The following RNF150 variants were observed in gnomAD, a reference collection of about 807,000 sequenced individuals.
RNF150 encodes the protein ring finger protein 150.
In RNF150, 24 loss-of-function variants were observed where a neutral mutation model predicts 39.3. That is an observed-to-expected ratio of 0.61 (90% confidence interval 0.44 to 0.86). RNF150 has a LOEUF of 0.86. RNF150 is among the 40% of genes least tolerant of loss of function. The pLI, the probability that RNF150 is intolerant of heterozygous loss-of-function variation, is 0.00. For synonymous variants in RNF150, 255 were observed against 227.3 expected (o/e 1.12, Z -1.10); for missense variants, 502 against 587.8 (o/e 0.85, Z 1.51).
At chr4:140,912,342 C>G (rs368675909) in intron 5 of RNF150, among the ~76,000 whole-genome samples, 6 of 152,148 alleles carry the variant, frequency 3.9e-5, no homozygotes, top group Admixed American at 6.6e-5. Context: ...TTGTCTTAAG[C>G]AGGATTAAGA....
At chr4:141,018,226 G>A (rs1038209326) in intron 1 of RNF150, among the ~76,000 whole-genome samples, 3 of 152,084 alleles carry the variant, frequency 2.0e-5, no homozygotes, top group Non-Finnish European at 2.9e-5. Context: ...AATATTTTGT[G>A]TTTTGAATTC....
Position 141,194,929 on chromosome 4 carries a change from A to T in RNF150, c.-6+17865T>A, listed in dbSNP as rs143502419. ...CTCATAGGCTGGTCATGAGGATTAA[A>T]TGAGTTAATTAAAACATGTAAAAGT... On this transcript the variant is annotated intron_variant, in intron 1 of 7. Transcript: ENST00000420921. Among the ~76,000 whole-genome samples, 42 of 152,326 alleles carry T rather than the reference A, an allele frequency of 2.8e-4. No individual in the cohort carries two copies. The East Asian group carries it at 8.1e-3, about 29-fold the overall frequency.
intron 2 of RNF150, among the ~76,000 whole-genome samples, chr4:140,964,725 A>G (rs1457730342): frequency 6.6e-6 from 1 of 152,054 alleles, no homozygotes; most frequent in Non-Finnish European, 1.5e-5. Context: ...AAACTCATAT[A>G]ATGATTCTAA....
chr4:140,884,375 T>C (rs2111211556), intron 6 of RNF150, among the ~76,000 whole-genome samples: 1 of 152,348 alleles, frequency 6.6e-6, no homozygotes. Context: ...TCATGCTTTG[T>C]TGGGACTTCA....
At chr4:141,050,314 C>T (rs944337685) in intron 1 of RNF150, among the ~76,000 whole-genome samples, 1 of 152,040 alleles carries the variant, frequency 6.6e-6, no homozygotes, top group Non-Finnish European at 1.5e-5. Flanking sequence ...CAAACCATAT[C>T]ATTCCACTCC....
chr4:140,920,921 G>A (rs900635528), intron 5 of RNF150, among the ~76,000 whole-genome samples: 44 of 151,824 alleles, frequency 2.9e-4, no homozygotes, highest in African/African-American at 1.1e-3. Context: ...ATCATTCTGA[G>A]TAAACTATCA....
At chr4:140,966,277 T>A (rs535461791) in intron 2 of RNF150, among the ~76,000 whole-genome samples, 1 of 152,156 alleles carries the variant, frequency 6.6e-6, no homozygotes, top group Admixed American at 6.5e-5. Context: ...GAGGTGAAGG[T>A]TGCAATGAGC....
intron 1 of RNF150, among the ~76,000 whole-genome samples, chr4:141,076,821 A>C (rs191265426): frequency 3.9e-5 from 6 of 152,264 alleles, no homozygotes; most frequent in Non-Finnish European, 7.3e-5. Context: ...TTTCATTTAA[A>C]TTGTATTCAT....
intron 6 of RNF150, among the ~76,000 whole-genome samples, chr4:140,907,419 T>C (rs1578951579): frequency 6.6e-6 from 1 of 152,304 alleles, no homozygotes; most frequent in East Asian, 1.9e-4. Context: ...TCATTTTTTT[T>C]TTCCTGGGAG....
At chr4:141,151,043 G>A (rs995844810) in intron 1 of RNF150, among the ~76,000 whole-genome samples, 2 of 151,946 alleles carry the variant, frequency 1.3e-5, no homozygotes, top group African/African-American at 2.4e-5. Context: ...GTGATTTAGC[G>A]CTTCTCCTGC....
chr4:141,056,959 T>TGATTGATAAAGAAGTAAC (rs1737000979), intron 1 of RNF150, among the ~76,000 whole-genome samples: 1 of 152,126 alleles, frequency 6.6e-6, no homozygotes, highest in African/African-American at 2.4e-5. Flanking sequence ...AATAGTGTAG[T>TGATTGATAAAGAAGTAAC]TACTTAAGAA....
chr4:141,185,758 G>C (rs570108522), intron 1 of RNF150, among the ~76,000 whole-genome samples: 1 of 152,096 alleles, frequency 6.6e-6, no homozygotes, highest in East Asian at 1.9e-4. Flanking sequence ...GAATTTTATC[G>C]AAAGCCTTTT....
chr4:140,955,923 A>T (rs1054057839), intron 2 of RNF150, among the ~76,000 whole-genome samples: 1 of 152,252 alleles, frequency 6.6e-6, no homozygotes, highest in Non-Finnish European at 1.5e-5. Context: ...ACATGTAAAT[A>T]TTAGGAAAAG....
chr4:140,981,098 T>C (rs1733844122), intron 1 of RNF150, among the ~76,000 whole-genome samples: 1 of 152,190 alleles, frequency 6.6e-6, no homozygotes, highest in African/African-American at 2.4e-5. Flanking sequence ...TTTTGGTTTC[T>C]AGAAGCTGGA....
chr4:140,942,234 C>T lies in RNF150; in HGVS notation c.890+5420G>A, dbSNP rs187140727. On this transcript the variant is annotated intron_variant, in intron 4 of 6. Transcript: ENST00000515673. ...AACCCCCACACAGCTCCAGGATTAT[C>T]TGATCTAACAGGTAACCTTGCTCAG... Among the ~76,000 whole-genome samples, 308 of 152,348 alleles carry T rather than the reference C, an allele frequency of 2.0e-3. 3 individuals carry two copies. Among genetic ancestry groups the T allele is most frequent in the African/African-American group, 6.9e-3 (289 of 41,586 alleles).
At chr4:140,974,896 T>C (rs1017552265) in intron 1 of RNF150, among the ~76,000 whole-genome samples, 6 of 152,160 alleles carry the variant, frequency 3.9e-5, no homozygotes, top group Admixed American at 1.3e-4. Flanking sequence ...ATGGGTCCGC[T>C]AATACATGGA....
chr4:141,038,473 T>A (rs1291374930), intron 1 of RNF150, among the ~76,000 whole-genome samples: 1 of 152,116 alleles, frequency 6.6e-6, no homozygotes, highest in African/African-American at 2.4e-5. Flanking sequence ...GAGGATCACT[T>A]GAATCTAAGA....
chr4:141,074,469 T>A (rs1578698741), intron 1 of RNF150, among the ~76,000 whole-genome samples: 1 of 151,932 alleles, frequency 6.6e-6, no homozygotes, highest in South Asian at 2.1e-4. Context: ...GAAAATTGGT[T>A]CACAAGAAAA....
At position 140,890,038 on chromosome 4, in the gene RNF150, T is replaced by A. The variant is rs899183905; in HGVS notation, c.1198+21106A>T. 5.9e-5 allele frequency among the ~76,000 whole-genome samples: 9 copies of A among 152,182 alleles called. No individual in the cohort carries two copies. In the East Asian group the frequency reaches 7.7e-4, roughly 13 times the overall value. On this transcript the variant is annotated intron_variant, in intron 6 of 6. Transcript: ENST00000515673. ...AAAACCCCCACATTAGCTCCTTTTG[T>A]GTCTCACCACTAGTTTCATATCCCC...
Sources: gnomAD v4.1 joint callset for allele counts (sites outside exome capture counted in the v4.1 genomes callset) on GRCh38, gnomAD v4.1.1 for gene constraint, MANE v1.5 for transcripts, NCBI Gene and HGNC (gene_info 2026-07-23, HGNC 2026-07-21) for gene names.